The following POLA1 variants were observed in gnomAD, a reference collection of about 807,000 sequenced individuals.
POLA1 encodes DNA polymerase alpha catalytic subunit.
In POLA1, 15 loss-of-function variants were observed where a neutral mutation model predicts 124.0. The observed-to-expected ratio is 0.12, with a 90% confidence interval of 0.08 to 0.19. The LOEUF (loss-of-function observed/expected upper bound fraction) is 0.19. Ranked by LOEUF, POLA1 falls within the 10% of genes least tolerant of loss-of-function variation. The pLI, the probability that POLA1 is intolerant of heterozygous loss-of-function variation, is 1.00. For synonymous variants in POLA1, 408 were observed against 389.4 expected, an observed-to-expected ratio of 1.05 and a Z score of -0.56; for missense variants, 886 against 1,103.4, an observed-to-expected ratio of 0.80 and a Z score of 2.79.
At chrX:24,715,275 A>C in intron 6 of POLA1, 72 bp downstream of exon 6, 1 of 684,418 alleles carries the variant, frequency 1.5e-6, no homozygotes, top group African/African-American at 2.1e-5. Flanking sequence ...TAATTATACA[A>C]AACAGACTAT....
intron 13 of POLA1, among the ~76,000 whole-genome samples, chrX:24,726,389 G>A: frequency 8.9e-6 from 1 of 111,995 alleles, no homozygotes; most frequent in Middle Eastern, 4.6e-3. Flanking sequence ...GGAAAGGTGA[G>A]AGAGGAGTGT....
rs747107213 is a variant in POLA1, at chrX:24,821,594, G to C, written c.3561+11G>C. On this transcript the variant is annotated intron_variant, in intron 31 of 36. Coordinates refer to ENST00000379068, the MANE Select transcript of POLA1 (RefSeq NM_001330360.2). Reference sequence around the variant, plus strand: ...TATGTCATCTGTCAGGTAAACTATTGACATTCGTAAGACTCTGACACCTCT... The same window carrying C: ...TATGTCATCTGTCAGGTAAACTATTCACATTCGTAAGACTCTGACACCTCT... 1 of 1,182,088 alleles carries C rather than the reference G, an allele frequency of 8.5e-7. No homozygotes were observed. Among genetic ancestry groups the C allele is most frequent in the South Asian group, 1.9e-5 (1 of 53,784 alleles).
intron 26 of POLA1, among the ~76,000 whole-genome samples, chrX:24,801,283 T>C (rs1259306467): frequency 8.9e-6 from 1 of 112,327 alleles, no homozygotes; most frequent in Non-Finnish European, 1.9e-5. Flanking sequence ...ATTGCTGCTT[T>C]TTGTAACCAA....
In POLA1 at chrX:24,826,569, G is replaced by A. The variant is rs770204711; in HGVS notation, c.3704G>A (p.Gly1235Glu). ...GCTCGGATCTGTGAACCAATAGACG[G>A]AATTGATGCTGTCCTCATTGCAACG... ...VVARICEPID[G>E]IDAVLIATWL... Residue 1235 changes from glycine (G) to glutamate (E), a missense_variant, in exon 32 of 37, where the codon GGA (glycine) becomes GAA (glutamate). Physicochemically the swap from Gly to Glu is moderately conservative, Grantham distance 98. This residue lies in a region of POLA1 where 313 missense variants were observed against 359.7 expected (regional missense o/e 0.87). Coordinates refer to ENST00000379068, the MANE Select transcript of POLA1 (RefSeq NM_001330360.2). 3 of 1,206,362 alleles carry A rather than the reference G, an allele frequency of 2.5e-6. No individual in the cohort carries two copies. Among genetic ancestry groups the A allele is most frequent in the South Asian group, 1.8e-5 (1 of 55,869 alleles).
chrX:24,809,748 T>C, intron 26 of POLA1, 150 bp from the exon 27 acceptor site: 2 of 392,001 alleles, frequency 5.1e-6, no homozygotes, highest in Non-Finnish European at 8.7e-6. Flanking sequence ...TTGATGTTAC[T>C]GTTATTTTAA....
At chrX:24,714,120 A>G (rs1929657914) in intron 4 of POLA1, among the ~76,000 whole-genome samples, 1 of 112,071 alleles carries the variant, frequency 8.9e-6, no homozygotes, top group Non-Finnish European at 1.9e-5. Flanking sequence ...CATTTAAAAT[A>G]TTTTTTCCTA....
In POLA1 at chrX:24,943,299, T is replaced by C. The variant is rs925658445; in HGVS notation, c.4261+12750T>C. Reference sequence around the variant, plus strand: ...AAATGGGATGACTGACAGACCAAACTAGTTTTATTTAGACAATAAAAATTA... The same window carrying C: ...AAATGGGATGACTGACAGACCAAACCAGTTTTATTTAGACAATAAAAATTA... On this transcript the variant is annotated intron_variant, in intron 36 of 36. Coordinates refer to ENST00000379068, the MANE Select transcript of POLA1 (RefSeq NM_001330360.2). Among the ~76,000 whole-genome samples the C allele has an allele frequency of 8.0e-5, 9 of 112,288 alleles. No homozygotes were observed. In the South Asian group the frequency reaches 1.1e-3, roughly 14 times the overall value.
chrX:24,948,455 G>C (rs182610763), intron 36 of POLA1, among the ~76,000 whole-genome samples: 1 of 110,791 alleles, frequency 9.0e-6, no homozygotes, highest in East Asian at 2.8e-4. Flanking sequence ...ATCTTGAGTA[G>C]TTTGAACTGT....
chrX:24,968,418 G>T (rs1340548371), intron 36 of POLA1, among the ~76,000 whole-genome samples: 3 of 111,886 alleles, frequency 2.7e-5, no homozygotes, highest in African/African-American at 9.7e-5. Context: ...GAAGAATCCA[G>T]GCCGGGCGCA....
At chrX:24,922,077 AC>A (rs1237681527) in intron 35 of POLA1, among the ~76,000 whole-genome samples, 1 of 107,795 alleles carries the variant, frequency 9.3e-6, no homozygotes, top group South Asian at 4.2e-4. Flanking sequence ...ATCGAAGAAA[AC>A]CCCCCCTTTT....
At chrX:24,813,662 G>C (rs6526405) in intron 29 of POLA1, among the ~76,000 whole-genome samples, 1 of 109,942 alleles carries the variant, frequency 9.1e-6, no homozygotes, top group African/African-American at 3.3e-5. Context: ...AAAAATACAA[G>C]TATTAGCCAG....
At chrX:24,963,361 C>T (rs1024422323) in intron 36 of POLA1, among the ~76,000 whole-genome samples, 1 of 111,678 alleles carries the variant, frequency 9.0e-6, no homozygotes, top group Non-Finnish European at 1.9e-5. Context: ...TGTAAGTGAT[C>T]GTCTTAAAAG....
intron 32 of POLA1, among the ~76,000 whole-genome samples, chrX:24,827,831 C>T (rs953553539): frequency 1.8e-5 from 2 of 111,964 alleles, no homozygotes; most frequent in Non-Finnish European, 3.8e-5. Context: ...TTCTTTTAGG[C>T]GTCAGTAGAA....
rs781050525 is a variant in POLA1 at position 24,821,431 on chromosome X, CT to C, written c.3430-15del. 1 of 1,187,370 alleles carries C rather than the reference CT, an allele frequency of 8.4e-7. No individual in the cohort carries two copies. On this transcript the variant is annotated intron_variant, in intron 30 of 36. Transcript: ENST00000379068. ...AAGGGTTTTATTTTAAGGCTTAGAA[CT>C]TTTTTGTTCCCTCTTTTAGGCATTG... is the stretch of plus-strand genomic sequence containing the variant.
intron 26 of POLA1, among the ~76,000 whole-genome samples, chrX:24,775,864 G>A (rs1485004828): frequency 9.0e-6 from 1 of 111,608 alleles, no homozygotes; most frequent in Non-Finnish European, 1.9e-5. Flanking sequence ...AGGCTGAAAG[G>A]AACCTTCTAG....
intron 36 of POLA1, among the ~76,000 whole-genome samples, chrX:24,957,038 A>G: frequency 9.0e-6 from 1 of 111,456 alleles, no homozygotes. Context: ...ACCTGTGGGT[A>G]TTGCCAGCTC....
At chrX:24,783,311 ACAACAATAG>A (rs2045300530) in intron 26 of POLA1, among the ~76,000 whole-genome samples, 2 of 111,828 alleles carry the variant, frequency 1.8e-5, no homozygotes, top group African/African-American at 6.5e-5. Context: ...AACAACCATA[ACAACAATAG>A]CAATAGTGAA....
Position 24,905,561 on chromosome X carries a change from C to T in POLA1, c.4164+17439C>T, listed in dbSNP as rs778649169. On this transcript the variant is annotated intron_variant, in intron 35 of 36. Transcript: ENST00000379068. ...CAACAAGTAATGGTGAACCCCCCCC[C>T]CCTTTTTTTTTTTTTTTTTGAGACA... 5.2e-5 allele frequency among the ~76,000 whole-genome samples: 5 copies of T among 95,720 alleles called. No individual in the cohort carries two copies. In the East Asian group the frequency reaches 1.4e-3, roughly 28 times the overall value. The allele number at this position is 95,720 out of a possible 115,157, so 83.1% of individuals were successfully genotyped here. A position where few individuals can be genotyped will look rare whatever the true frequency, so the allele number is the denominator to read the frequency against.
intron 7 of POLA1, 27 bp downstream of exon 7, chrX:24,716,481 CT>C (rs1929851512): frequency 3.6e-6 from 3 of 824,744 alleles, no homozygotes; most frequent in Middle Eastern, 2.8e-4. Context: ...TACCTTCAAT[CT>C]TGATTTATAG....
Sources: allele counts gnomAD v4.1 joint callset (sites outside exome capture counted in the v4.1 genomes callset), GRCh38; gene constraint gnomAD v4.1.1; regional missense constraint gnomAD v4.1.1; transcripts MANE v1.5; gene names NCBI Gene and HGNC (gene_info 2026-07-23, HGNC 2026-07-21).